The following CACNA1C variants were observed in gnomAD, a reference collection of about 807,000 sequenced individuals.
CACNA1C encodes calcium voltage-gated channel subunit alpha1 C.
A neutral mutation model predicts 229.0 loss-of-function variants in CACNA1C; 30 were observed. The ratio of observed to expected loss-of-function variants is 0.13; its 90% confidence interval spans 0.10 to 0.18. CACNA1C has a LOEUF of 0.18. CACNA1C is among the 10% of genes least tolerant of loss of function. The pLI, the probability that CACNA1C is intolerant of heterozygous loss-of-function variation, is 1.00. For missense variants in CACNA1C, 1,658 were observed against 2,845.0 expected (o/e 0.58, Z 9.49); for synonymous variants, 1,114 against 1,132.5 (o/e 0.98, Z 0.33).
chr12:2,002,647 T>C (rs1486301875), intron 1 of CACNA1C, among the ~76,000 whole-genome samples: 1 of 152,234 alleles, frequency 6.6e-6, no homozygotes, highest in Admixed American at 6.5e-5. Context: ...CTCTTTATAC[T>C]GACAGTTTCT....
chr12:2,064,289 G>T (rs569244189), intron 1 of CACNA1C, among the ~76,000 whole-genome samples: 2 of 152,348 alleles, frequency 1.3e-5, no homozygotes, highest in South Asian at 4.1e-4. Context: ...GTCTGTCTCT[G>T]TCTCTCCCTC....
At position 2,493,178 on chromosome 12, in the gene CACNA1C, T is replaced by C. The variant is rs2099739942; in HGVS notation, c.917-12T>C. 6.2e-7 allele frequency: 1 copy of C among 1,612,204 alleles called. No individual in the cohort carries two copies. Among genetic ancestry groups the C allele is most frequent in the Non-Finnish European group, 8.5e-7 (1 of 1,178,362 alleles). On this transcript the variant is annotated splice_polypyrimidine_tract_variant and intron_variant, in intron 6 of 46. Coordinates refer to ENST00000399655, the MANE Select transcript of CACNA1C (RefSeq NM_000719.7). The surrounding 1 kb of genome is among the most constrained non-coding windows in gnomAD (Gnocchi z 4.6). ...GCTGCTCCCGTCTCCTGTCTTCTTC[T>C]GGCCATTTGAGATGTTCCAGCAGAA...
chr12:2,143,067 C>T (rs769849430), intron 3 of CACNA1C, among the ~76,000 whole-genome samples: 1 of 150,872 alleles, frequency 6.6e-6, no homozygotes, highest in Non-Finnish European at 1.5e-5. Flanking sequence ...CCTCCGCCTC[C>T]CAGGTTCAAG....
chr12:2,267,002 C>G (rs116229134), intron 3 of CACNA1C, among the ~76,000 whole-genome samples: 6,967 of 152,310 alleles, frequency 0.046, 193 homozygotes, highest in Middle Eastern at 0.068. Flanking sequence ...CAGGACCTTT[C>G]TTCCTTTCCT....
chr12:2,561,373 G>C (rs2047395971), intron 11 of CACNA1C, among the ~76,000 whole-genome samples: 1 of 152,242 alleles, frequency 6.6e-6, no homozygotes, highest in African/African-American at 2.4e-5. Context: ...TTAGTGGTCT[G>C]TGTCTCCGTG....
chr12:2,628,232 G>A (rs1015526856), intron 29 of CACNA1C, among the ~76,000 whole-genome samples: 3 of 152,148 alleles, frequency 2.0e-5, no homozygotes, highest in African/African-American at 4.8e-5. Context: ...CAGTCCCCTC[G>A]CAGCTCTCCT....
In CACNA1C at chr12:2,695,268, A is replaced by G. The variant is rs1421886452; in HGVS notation, c.*4069A>G. The G allele has an allele frequency of 6.6e-6, 1 of 152,256 alleles. No individual in the cohort carries two copies. Among genetic ancestry groups the G allele is most frequent in the Non-Finnish European group, 1.5e-5 (1 of 68,058 alleles). The allele number at this position is 152,256 out of a possible 1,614,324, so 9.4% of individuals were successfully genotyped here. A position where few individuals can be genotyped will look rare whatever the true frequency, so the allele number is the denominator to read the frequency against. On this transcript the variant is annotated 3_prime_UTR_variant, in exon 47 of 47. Transcript: ENST00000399655. ...GGATGTGTTCAGCTTACCCACCCACAGTGACCAGTGTGGTGGAGCCGCTGA... is the reference window on the plus strand; with the variant it reads ...GGATGTGTTCAGCTTACCCACCCACGGTGACCAGTGTGGTGGAGCCGCTGA...
At position 2,504,490 on chromosome 12, in the gene CACNA1C, A is replaced by G. The variant is rs765448583; in HGVS notation, c.1114-352A>G. 1 of 1,611,450 alleles carries G rather than the reference A, an allele frequency of 6.2e-7. No individual in the cohort carries two copies. Among genetic ancestry groups the G allele is most frequent in the South Asian group, 1.1e-5 (1 of 90,976 alleles). ...CTGGGTGTATTTTGTCAGTCTGGTC[A>G]TCTTTGGATCCTTTTTCGTTCTAAA... On this transcript the variant is annotated intron_variant, in intron 7 of 46. Transcript: ENST00000399655. The surrounding 1 kb of genome is among the most constrained non-coding windows in gnomAD (Gnocchi z 6.8).
chr12:2,611,274 G>C (rs1365137741), intron 28 of CACNA1C, among the ~76,000 whole-genome samples: 2 of 111,092 alleles, frequency 1.8e-5, no homozygotes, highest in East Asian at 7.3e-4. Context: ...AGCTGGATGC[G>C]TTCATTTTTG....
At chr12:2,657,463 G>T (rs1220684949) in intron 34 of CACNA1C, among the ~76,000 whole-genome samples, 4 of 151,900 alleles carry the variant, frequency 2.6e-5, no homozygotes, top group Admixed American at 2.6e-4. Context: ...AGATTTAAAG[G>T]TCAATCACTA....
At chr12:2,661,280 T>TACACACACACACACACACACACAC (rs1210712672) in intron 34 of CACNA1C, among the ~76,000 whole-genome samples, 5 of 123,466 alleles carry the variant, frequency 4.0e-5, no homozygotes, top group African/African-American at 6.4e-5. Context: ...TACACACACA[T>TACACACACACACACACACACACAC]ACACACACAC....
At chr12:2,446,756 G>T (rs1200104674) in intron 3 of CACNA1C, among the ~76,000 whole-genome samples, 1 of 151,116 alleles carries the variant, frequency 6.6e-6, no homozygotes, top group Non-Finnish European at 1.5e-5. Context: ...TGGATGAGTA[G>T]TGAGTGGGTG....
chr12:2,248,099 A>G (rs1334775316), intron 3 of CACNA1C, among the ~76,000 whole-genome samples: 1 of 152,204 alleles, frequency 6.6e-6, no homozygotes, highest in Non-Finnish European at 1.5e-5. Flanking sequence ...AGAAACAGTA[A>G]CACCACACAC....
At chr12:2,308,594 T>G (rs1412813357) in intron 3 of CACNA1C, among the ~76,000 whole-genome samples, 1 of 152,240 alleles carries the variant, frequency 6.6e-6, no homozygotes, top group African/African-American at 2.4e-5. Context: ...AGCTTTGTAG[T>G]ACAGTCTGAA....
intron 1 of CACNA1C, among the ~76,000 whole-genome samples, chr12:1,990,008 A>C (rs113755283): frequency 0.027 from 4,171 of 152,264 alleles, 96 homozygotes; most frequent in Middle Eastern, 0.054. Flanking sequence ...AAAATAACTA[A>C]GTGTTTGTAA....
At chr12:2,662,924 A>G (rs1270619728) in intron 34 of CACNA1C, among the ~76,000 whole-genome samples, 1 of 152,218 alleles carries the variant, frequency 6.6e-6, no homozygotes, top group Non-Finnish European at 1.5e-5. Flanking sequence ...TAACAAAATG[A>G]CTTATCTATG....
At chr12:2,436,650 G>T (rs1458351129) in intron 3 of CACNA1C, among the ~76,000 whole-genome samples, 2 of 152,232 alleles carry the variant, frequency 1.3e-5, no homozygotes, top group African/African-American at 4.8e-5. Context: ...CACCCAGGCA[G>T]GACTAAGTTG....
At chr12:2,325,243 A>G (rs2096239121) in intron 3 of CACNA1C, among the ~76,000 whole-genome samples, 1 of 152,112 alleles carries the variant, frequency 6.6e-6, no homozygotes, top group African/African-American at 2.4e-5. Context: ...CATCCATACT[A>G]TCTGGTCTCG....
intron 3 of CACNA1C, among the ~76,000 whole-genome samples, chr12:2,256,070 C>CTTGCTAG (rs2077511649): frequency 6.6e-6 from 1 of 152,296 alleles, no homozygotes; most frequent in Non-Finnish European, 1.5e-5. Context: ...CGATCCTGAC[C>CTTGCTAG]TTACTAGTTT....
Sources: allele counts gnomAD v4.1 joint callset (sites outside exome capture counted in the v4.1 genomes callset), GRCh38; gene constraint gnomAD v4.1.1; non-coding constraint Gnocchi (gnomAD v3.1); transcripts MANE v1.5; gene names NCBI Gene and HGNC (gene_info 2026-07-23, HGNC 2026-07-21).